The following ADIPOR2 variants were observed in gnomAD, a reference collection of about 807,000 sequenced individuals.
ADIPOR2 encodes adiponectin receptor 2, also known as adiponectin receptor protein 2.
A neutral mutation model predicts 40.9 loss-of-function variants in ADIPOR2; 18 were observed. That is an observed-to-expected ratio of 0.44 (90% CI 0.30 to 0.65). The LOEUF is 0.65. Ranked by LOEUF, ADIPOR2 falls within the 30% of genes least tolerant of loss-of-function variation. The pLI is 0.09. For missense variants in ADIPOR2, 283 were observed against 479.2 expected, an observed-to-expected ratio of 0.59 and a Z score of 3.82; for synonymous variants, 165 against 166.4, an observed-to-expected ratio of 0.99 and a Z score of 0.06.
intron 1 of ADIPOR2, among the ~76,000 whole-genome samples, chr12:1,698,795 C>G (rs1050114965): frequency 7.9e-5 from 12 of 151,868 alleles, no homozygotes; most frequent in African/African-American, 2.4e-4. Context: ...CATTGCCACC[C>G]AGAAAGGTCA....
intron 1 of ADIPOR2, among the ~76,000 whole-genome samples, chr12:1,729,992 GGAAGGGA>G (rs2094716505): frequency 6.6e-6 from 1 of 151,924 alleles, no homozygotes; most frequent in Non-Finnish European, 1.5e-5. Flanking sequence ...AAGGCATACC[GGAAGGGA>G]ACACACAACA....
chr12:1,707,739 C>G (rs2094666371), intron 1 of ADIPOR2, among the ~76,000 whole-genome samples: 1 of 152,176 alleles, frequency 6.6e-6, no homozygotes, highest in South Asian at 2.1e-4. Flanking sequence ...TCCCAAAGTG[C>G]TGGGATTATA....
chr12:1,760,667 T>C (rs1565652361), intron 2 of ADIPOR2: 1 of 152,228 alleles, frequency 6.6e-6, no homozygotes. Flanking sequence ...CATTCCTCTT[T>C]ATGACTGAAT....
At chr12:1,758,018 G>A (rs796069714) in intron 2 of ADIPOR2, 32 of 804,258 alleles carry the variant, frequency 4.0e-5, no homozygotes, top group African/African-American at 1.7e-4. Flanking sequence ...CCATGGCTGC[G>A]TTAGGCAGGG....
At chr12:1,785,696 G>A (rs573509740) in intron 7 of ADIPOR2, among the ~76,000 whole-genome samples, 1 of 152,216 alleles carries the variant, frequency 6.6e-6, no homozygotes, top group African/African-American at 2.4e-5. Context: ...TAAGTTTGTA[G>A]ATTTTTATGT....
chr12:1,735,696 A>G (rs2094728990), intron 1 of ADIPOR2, among the ~76,000 whole-genome samples: 1 of 152,196 alleles, frequency 6.6e-6, no homozygotes, highest in African/African-American at 2.4e-5. Context: ...CAATGCTTCC[A>G]GTTTTTGCCC....
intron 1 of ADIPOR2, among the ~76,000 whole-genome samples, chr12:1,722,417 ATAG>A (rs540787041): frequency 2.9e-4 from 44 of 152,208 alleles, no homozygotes; most frequent in Non-Finnish European, 4.4e-4. Context: ...GTGGTAGGTA[ATAG>A]TAGTACTGTG....
rs761469755 is a variant in ADIPOR2, at chr12:1,781,135, A to G, written c.838+59A>G. 49 of 1,451,476 alleles carry G rather than the reference A, an allele frequency of 3.4e-5. No homozygotes were observed. The East Asian group carries it at 6.4e-4, about 19-fold the overall frequency. 89.9% of individuals were successfully genotyped at this position (1,451,476 alleles called of 1,614,324 possible). On this transcript the variant is annotated intron_variant, in intron 6 of 7. Coordinates refer to ENST00000357103, the MANE Select transcript of ADIPOR2 (RefSeq NM_024551.3). ...CATTTATTCACTAGTTAAATTCACT[A>G]TTTATTAAAGTTCTACCATTTGCCA...
At chr12:1,721,817 A>T (rs945680765) in intron 1 of ADIPOR2, among the ~76,000 whole-genome samples, 6 of 152,334 alleles carry the variant, frequency 3.9e-5, no homozygotes, top group African/African-American at 1.4e-4. Context: ...GCATTCTACC[A>T]TAGGGAACCA....
intron 1 of ADIPOR2, among the ~76,000 whole-genome samples, chr12:1,704,055 A>ATTTTTTT (rs57190793): frequency 7.4e-5 from 5 of 67,534 alleles, no homozygotes; most frequent in African/African-American, 1.1e-4. Flanking sequence ...TCTACCTGGA[A>ATTTTTTT]TTTTTTTTTT....
intron 3 of ADIPOR2, among the ~76,000 whole-genome samples, chr12:1,775,848 T>C (rs1862580921): frequency 1.7e-5 from 1 of 57,910 alleles, no homozygotes; most frequent in Admixed American, 2.3e-4. Flanking sequence ...GGATACTGGA[T>C]CCCTGATCCC....
chr12:1,774,692 A>C lies in ADIPOR2; in HGVS notation c.291+1731A>C, dbSNP rs148834486. 1.7e-4 allele frequency among the ~76,000 whole-genome samples: 26 copies of C among 152,260 alleles called. No individual in the cohort carries two copies. The East Asian group carries it at 4.8e-3, about 28-fold the overall frequency. ...TCCATGTGGGAATAGGATGTATGCT[A>C]TGGGGAGTTTATTTGTTTTTGAAAT... On this transcript the variant is annotated intron_variant, in intron 3 of 7. Transcript: ENST00000357103.
intron 1 of ADIPOR2, among the ~76,000 whole-genome samples, chr12:1,744,694 A>G (rs574134190): frequency 1.3e-5 from 2 of 152,380 alleles, no homozygotes; most frequent in Non-Finnish European, 2.9e-5. Flanking sequence ...CACTATTTTA[A>G]TGTTCGGAAC....
At chr12:1,732,019 G>T (rs2094721596) in intron 1 of ADIPOR2, among the ~76,000 whole-genome samples, 1 of 151,034 alleles carries the variant, frequency 6.6e-6, no homozygotes, top group African/African-American at 2.4e-5. Flanking sequence ...AAAAAGCTTA[G>T]ACTTTTTTTG....
Position 1,775,056 on chromosome 12 carries a change from T to TC in ADIPOR2, c.291+2097dup, listed in dbSNP as rs1170763962. On this transcript the variant is annotated intron_variant, in intron 3 of 7. Transcript: ENST00000357103. ...TTTCACCATGTTGGCCAGGATGGTC[T>TC]CCATCTCCTGACCTCGTGATCTGCC... 6.7e-5 allele frequency among the ~76,000 whole-genome samples: 10 copies of TC among 149,784 alleles called. 1 individual carries two copies. Among genetic ancestry groups the TC allele is most frequent in the Non-Finnish European group, 1.0e-4 (7 of 67,274 alleles).
At position 1,783,900 on chromosome 12, in the gene ADIPOR2, C is replaced by G. The variant is rs747889151; in HGVS notation, c.859C>G (p.Leu287Val). ...CCTAGGAGTGTTTTTGGGCCTAGGCCTGAGTGGAATCATTCCTACCTTGCA... is the reference window on the plus strand; with the variant it reads ...CCTAGGAGTGTTTTTGGGCCTAGGCGTGAGTGGAATCATTCCTACCTTGCA... ...VRAGVFLGLG[L>V]SGIIPTLHYV... Residue 287 changes from leucine (L) to valine (V), a missense_variant, in exon 7 of 8, where the codon CTG (leucine) becomes GTG (valine). Physicochemically the swap from Leu to Val is conservative, Grantham distance 32. This residue lies in a region of ADIPOR2 where 106 missense variants were observed against 149.7 expected (regional missense o/e 0.71). Coordinates refer to ENST00000357103, the MANE Select transcript of ADIPOR2 (RefSeq NM_024551.3). 19 of 1,609,374 alleles carry G rather than the reference C, an allele frequency of 1.2e-5. No homozygotes were observed.
intron 1 of ADIPOR2, among the ~76,000 whole-genome samples, chr12:1,750,404 A>T (rs78780785): frequency 0.016 from 509 of 32,790 alleles, 3 homozygotes; most frequent in African/African-American, 0.09. Flanking sequence ...ACAAGAAATT[A>T]AAAAAAAAAA....
intron 1 of ADIPOR2, among the ~76,000 whole-genome samples, chr12:1,732,583 C>T (rs1210290779): frequency 1.3e-5 from 2 of 152,164 alleles, no homozygotes; most frequent in Middle Eastern, 3.2e-3. Flanking sequence ...TGGTTACTTC[C>T]CAGTTTTGGC....
At chr12:1,769,649 T>A (rs1273544396) in intron 2 of ADIPOR2, among the ~76,000 whole-genome samples, 1 of 151,466 alleles carries the variant, frequency 6.6e-6, no homozygotes, top group East Asian at 2.0e-4. Context: ...CAAGCGATTC[T>A]CCTGTCTCAA....
Sources: allele counts gnomAD v4.1 joint callset (sites outside exome capture counted in the v4.1 genomes callset), GRCh38; gene constraint gnomAD v4.1.1; regional missense constraint gnomAD v4.1.1; transcripts MANE v1.5; gene names NCBI Gene and HGNC (gene_info 2026-07-23, HGNC 2026-07-21).